PARD3B: variants seen among roughly 807,000 people sequenced by gnomAD.
The protein encoded by PARD3B is partitioning defective 3 homolog B.
Under a neutral mutation model 130.2 loss-of-function variants are expected in PARD3B, and 103 were observed. The observed-to-expected ratio is 0.79, with a 90% CI of 0.67 to 0.93. PARD3B has a LOEUF of 0.93. Among genes scored for constraint, PARD3B ranks in the 40% least tolerant of loss-of-function variants. The probability of loss-of-function intolerance (pLI) is 0.00; values close to 1 mark genes in which losing one functional copy is unlikely to be tolerated. For missense variants in PARD3B, 1,609 were observed against 1,499.2 expected, an observed-to-expected ratio of 1.07 and a Z score of -1.21; for synonymous variants, 583 against 553.2, an observed-to-expected ratio of 1.05 and a Z score of -0.76.
intron 1 of PARD3B, among the ~76,000 whole-genome samples, chr2:204,648,216 T>C (rs1391285628): frequency 6.6e-6 from 1 of 151,624 alleles, no homozygotes; most frequent in Admixed American, 6.6e-5. Context: ...CATGAGAATT[T>C]AATCTCATTT....
intron 20 of PARD3B, among the ~76,000 whole-genome samples, chr2:205,465,890 A>G (rs2048604147): frequency 6.6e-6 from 1 of 152,252 alleles, no homozygotes; most frequent in Admixed American, 6.5e-5. Flanking sequence ...GCCTCCAACC[A>G]GGATCCCTAA....
At chr2:204,966,888 C>T (rs753422719) in intron 3 of PARD3B, among the ~76,000 whole-genome samples, 1 of 152,214 alleles carries the variant, frequency 6.6e-6, no homozygotes, top group Non-Finnish European at 1.5e-5. Context: ...ATTTAAGCCT[C>T]GTCATACTTA....
At chr2:204,683,495 T>G (rs2036935554) in intron 1 of PARD3B, among the ~76,000 whole-genome samples, 1 of 152,170 alleles carries the variant, frequency 6.6e-6, no homozygotes, top group South Asian at 2.1e-4. Flanking sequence ...CAGGATAAAT[T>G]TATGGTCTTA....
rs1022947564 is a variant in PARD3B at position 205,562,062 on chromosome 2, C to T, written c.3260+8659C>T. Among the ~76,000 whole-genome samples the T allele has an allele frequency of 6.6e-6, 1 of 152,180 alleles. No homozygotes were observed. The highest frequency in any genetic ancestry group is 2.4e-5 in the African/African-American group (1 of 41,446). On this transcript the variant is annotated intron_variant, in intron 22 of 22. Coordinates refer to ENST00000406610, the MANE Select transcript of PARD3B (RefSeq NM_001302769.2). The surrounding 1 kb of genome is among the most constrained non-coding windows in gnomAD (Gnocchi z 5.4). ...GAGATTAAGATGTCTCCATTGTCAACTCAAACTTCCTGAAAATGCAGAAAG... is the reference window on the plus strand; with the variant it reads ...GAGATTAAGATGTCTCCATTGTCAATTCAAACTTCCTGAAAATGCAGAAAG...
chr2:204,685,338 T>G (rs1426341886), intron 1 of PARD3B, among the ~76,000 whole-genome samples: 6 of 152,190 alleles, frequency 3.9e-5, no homozygotes, highest in African/African-American at 1.4e-4. Context: ...TGGTAAAACC[T>G]TACTCATGTT....
intron 2 of PARD3B, among the ~76,000 whole-genome samples, chr2:204,737,355 A>G (rs1252546686): frequency 6.6e-6 from 1 of 152,082 alleles, no homozygotes; most frequent in Non-Finnish European, 1.5e-5. Flanking sequence ...GATGTTGAGC[A>G]TTTTTTCATG....
chr2:205,604,674 A>C (rs2054918639), intron 22 of PARD3B, among the ~76,000 whole-genome samples: 1 of 152,026 alleles, frequency 6.6e-6, no homozygotes. Context: ...GAATCTGATG[A>C]TTATGTGTCT....
chr2:205,190,340 C>G (rs953017751), intron 14 of PARD3B, among the ~76,000 whole-genome samples: 2 of 152,194 alleles, frequency 1.3e-5, no homozygotes, highest in African/African-American at 4.8e-5. Flanking sequence ...TAAATGCAAT[C>G]TGATCTATGT....
At position 205,121,627 on chromosome 2, in the gene PARD3B, A is replaced by C; in HGVS notation, c.843A>C (p.Pro281=). 1 of 1,614,018 alleles carries C rather than the reference A, an allele frequency of 6.2e-7. No individual in the cohort carries two copies. Among genetic ancestry groups the C allele is most frequent in the Non-Finnish European group, 8.5e-7 (1 of 1,179,902 alleles). ...QDVFRQAMKS[P]SVLLHVLPPQ... ...TCTTCCGCCAGGCAATGAAATCTCC[A>C]AGTGTGCTCCTCCACGTGCTTCCTC... Residue 281 remains proline (P), a synonymous_variant, in exon 8 of 23, where the codon CCA becomes CCC. Transcript: ENST00000406610. This position sits in a 1 kb window ranked among gnomAD's most constrained non-coding sequence, Gnocchi z 5.0.
In PARD3B at chr2:205,397,308, G is replaced by A. The variant is rs868015283; in HGVS notation, c.2631-3705G>A. ...CCTTCTTATTGGAAACTTGAATCGA[G>A]GATCATGAACTTTAAATCAAAGCAT... On this transcript the variant is annotated intron_variant, in intron 18 of 22. Transcript: ENST00000406610. This position sits in a 1 kb window ranked among gnomAD's most constrained non-coding sequence, Gnocchi z 4.8. Among the ~76,000 whole-genome samples the A allele has an allele frequency of 3.9e-5, 6 of 152,200 alleles. No individual in the cohort carries two copies. Among genetic ancestry groups the A allele is most frequent in the African/African-American group, 1.4e-4 (6 of 41,530 alleles).
At chr2:204,886,995 A>G (rs1011466468) in intron 2 of PARD3B, among the ~76,000 whole-genome samples, 2 of 152,218 alleles carry the variant, frequency 1.3e-5, no homozygotes, top group African/African-American at 4.8e-5. Context: ...CCCACAGGGT[A>G]TGTATCATTA....
chr2:205,468,585 T>C (rs969319842), intron 20 of PARD3B, among the ~76,000 whole-genome samples: 1 of 152,236 alleles, frequency 6.6e-6, no homozygotes, highest in African/African-American at 2.4e-5. Flanking sequence ...TCTGGGAGTC[T>C]TTCTTGAGGC....
chr2:205,052,955 C>T (rs1699335301), intron 4 of PARD3B, among the ~76,000 whole-genome samples: 1 of 152,018 alleles, frequency 6.6e-6, no homozygotes. Context: ...GAAGTGTTTC[C>T]AGTTGTCCTG....
At chr2:204,910,645 G>GT (rs1288721710) in intron 2 of PARD3B, among the ~76,000 whole-genome samples, 3 of 152,108 alleles carry the variant, frequency 2.0e-5, no homozygotes, top group African/African-American at 4.8e-5. Context: ...TTGTTTGTTT[G>GT]TTTTTTGTTT....
chr2:204,965,235 T>A lies in PARD3B; in HGVS notation c.306T>A (p.Asp102Glu), dbSNP rs1559306877. 2 of 1,613,960 alleles carry A rather than the reference T, an allele frequency of 1.2e-6. No individual in the cohort carries two copies. The highest frequency in any genetic ancestry group is 2.2e-5 in the East Asian group (1 of 44,870). ...ACCCTGCAGATCGGCAGAGCCCAGA[T>A]GCTTTTGAGACAGAAGTGGCCGCCC... ...SGNPADRQSP[D>E]AFETEVAAQL... The change falls in exon 3 of 23, where the codon GAT becomes GAA. Residue 102 changes from aspartate to glutamate, a missense_variant. Asp to Glu is a conservative substitution (Grantham distance 45). Transcript: ENST00000406610.
intron 1 of PARD3B, among the ~76,000 whole-genome samples, chr2:204,548,617 A>T (rs1328351282): frequency 1.3e-5 from 2 of 152,190 alleles, no homozygotes; most frequent in East Asian, 3.8e-4. Context: ...TTAATGCTTG[A>T]TTTAAAAAGA....
chr2:204,963,005 T>C (rs1479254527), intron 2 of PARD3B, among the ~76,000 whole-genome samples: 1 of 152,232 alleles, frequency 6.6e-6, no homozygotes, highest in Non-Finnish European at 1.5e-5. Flanking sequence ...TTCTTTAGGG[T>C]ATAACACGCT....
Position 205,045,654 on chromosome 2 carries a change from T to C in PARD3B, c.395-1927T>C, listed in dbSNP as rs147070249. 4.9e-3 allele frequency among the ~76,000 whole-genome samples: 752 copies of C among 152,154 alleles called. 6 individuals are homozygous for C. The highest frequency in any genetic ancestry group is 6.5e-3 in the Non-Finnish European group (440 of 67,978). The stretch of plus-strand genomic sequence containing the variant: ...GACTCATAGGCATGTGTCTTTAAAT[T>C]TGAAGAAAAATTACCTACTGTGGCT... On this transcript the variant is annotated intron_variant, in intron 3 of 22. Coordinates refer to ENST00000406610, the MANE Select transcript of PARD3B (RefSeq NM_001302769.2).
At chr2:205,383,693 A>T (rs772619576) in intron 18 of PARD3B, among the ~76,000 whole-genome samples, 1 of 152,028 alleles carries the variant, frequency 6.6e-6, no homozygotes, top group Admixed American at 6.6e-5. Flanking sequence ...CACAGTCATG[A>T]TACAGAATAG....
Sources: allele counts gnomAD v4.1 joint callset (sites outside exome capture counted in the v4.1 genomes callset), GRCh38; gene constraint gnomAD v4.1.1; non-coding constraint Gnocchi (gnomAD v3.1); transcripts MANE v1.5; gene names NCBI Gene and HGNC (gene_info 2026-07-23, HGNC 2026-07-21).